The following PLCB3 variants were observed in gnomAD, a reference collection of about 807,000 sequenced individuals.
PLCB3 encodes phospholipase C beta 3, also known as 1-phosphatidylinositol 4,5-bisphosphate phosphodiesterase beta-3.
PLCB3 carries 54 observed loss-of-function variants against 152.1 expected under a neutral mutation model. That is an observed-to-expected ratio of 0.36 (90% CI 0.29 to 0.45). The LOEUF is 0.45. Ranked by LOEUF, PLCB3 falls within the 20% of genes least tolerant of loss-of-function variation. PLCB3 has a pLI of 1.00. For synonymous variants in PLCB3, 717 were observed against 698.7 expected (o/e 1.03, Z -0.41); for missense variants, 1,248 against 1,687.5 (o/e 0.74, Z 4.56).
At chr11:64,261,522 G>A (rs1420764354) in intron 15 of PLCB3, 26 bp downstream of exon 15, 3 of 1,608,856 alleles carry the variant, frequency 1.9e-6, no homozygotes, top group Non-Finnish European at 2.6e-6. Flanking sequence ...TGGCAGGCAT[G>A]GGAGCTTGCC....
rs751275105 is a variant in PLCB3 at position 64,259,018 on chromosome 11, G to A, written c.1339-40G>A. The A allele has an allele frequency of 2.1e-5, 34 of 1,612,554 alleles. No individual in the cohort carries two copies. The Middle Eastern group carries it at 4.9e-4, about 23-fold the overall frequency. On this transcript the variant is annotated intron_variant, in intron 12 of 30. Coordinates refer to ENST00000279230, the MANE Select transcript of PLCB3 (RefSeq NM_000932.5). ...GGTGGCATGGGGGCCAGGGTGCTGC[G>A]GACCCGGTCCAGGGCCCTGACTCGT... is the stretch of plus-strand genomic sequence containing the variant.
rs1194858063 is a variant in PLCB3, at chr11:64,267,758, G to A, written c.*202G>A. 7.2e-6 allele frequency: 4 copies of A among 555,826 alleles called. No individual in the cohort carries two copies. Among genetic ancestry groups the A allele is most frequent in the Admixed American group, 7.0e-5 (2 of 28,556 alleles). 34.4% of individuals were successfully genotyped at this position (555,826 alleles called of 1,614,324 possible). A position where few individuals can be genotyped will look rare whatever the true frequency, so the allele number is the denominator to read the frequency against. On this transcript the variant is annotated 3_prime_UTR_variant, in exon 31 of 31. Transcript: ENST00000279230. This position sits in a 1 kb window ranked among gnomAD's most constrained non-coding sequence, Gnocchi z 5.2. Reference sequence around the variant, plus strand: ...GCCCTCAGTCTTAGGTTAGGGCCTTGGTCAGGGCTTTGCTCCCTGTGACAC... The same window carrying A: ...GCCCTCAGTCTTAGGTTAGGGCCTTAGTCAGGGCTTTGCTCCCTGTGACAC...
Position 64,267,267 on chromosome 11 carries a change from C to T in PLCB3, c.3497C>T (p.Pro1166Leu). The change falls in exon 30 of 31, where the codon CCC (proline) becomes CTC (leucine). Residue 1166 changes from proline to leucine, a missense_variant. Around this residue, in one of 6 missense-constraint regions of PLCB3, gnomAD observed 477 missense variants for 489.6 expected, o/e 0.97. Transcript: ENST00000279230. The surrounding 1 kb of genome is among the most constrained non-coding windows in gnomAD (Gnocchi z 5.2). ...CTGCAACAGCTGGCAGAAGAGGAGC[C>T]CAAGGTGAGGCCATGGGCGAACAGG... ...QVLQQLAEEE[P>L]KLLAQLAQEC... is the part of the protein sequence containing the mutation. 1 of 1,550,970 alleles carries T rather than the reference C, an allele frequency of 6.4e-7. No homozygotes were observed. The highest frequency in any genetic ancestry group is 8.7e-7 in the Non-Finnish European group (1 of 1,146,960).
chr11:64,258,394 G>C lies in PLCB3; in HGVS notation c.1013-79G>C. On this transcript the variant is annotated intron_variant, in intron 10 of 30. Coordinates refer to ENST00000279230, the MANE Select transcript of PLCB3 (RefSeq NM_000932.5). This position sits in a 1 kb window ranked among gnomAD's most constrained non-coding sequence, Gnocchi z 7.2. Reference sequence around the variant, plus strand: ...GGAGAGCCCTCTGCAAATCCAGCATGTCCTGGTTCCAGGTGGGGCCGGGGT... The same window carrying C: ...GGAGAGCCCTCTGCAAATCCAGCATCTCCTGGTTCCAGGTGGGGCCGGGGT... 1.3e-6 allele frequency: 2 copies of C among 1,518,958 alleles called. No individual in the cohort carries two copies. The highest frequency in any genetic ancestry group is 1.8e-6 in the Non-Finnish European group (2 of 1,125,536). The allele number at this position is 1,518,958 out of a possible 1,614,324, so 94.1% of individuals were successfully genotyped here. A position where few individuals can be genotyped will look rare whatever the true frequency, so the allele number is the denominator to read the frequency against.
At position 64,262,784 on chromosome 11, in the gene PLCB3, C is replaced by G. The variant is rs371358482; in HGVS notation, c.2331C>G (p.Asp777Glu). The G allele has an allele frequency of 6.8e-6, 11 of 1,613,538 alleles. No homozygotes were observed. Among genetic ancestry groups the G allele is most frequent in the Admixed American group, 6.7e-5 (4 of 60,010 alleles). The change falls in exon 19 of 31, where the codon GAC (aspartate) becomes GAG (glutamate). Residue 777 changes from aspartate (D) to glutamate (E), a missense_variant. Physicochemically the swap from Asp to Glu is conservative, Grantham distance 45. This residue lies in a region of PLCB3 where 244 missense variants were observed against 424.4 expected (regional missense o/e 0.57). Transcript: ENST00000279230. ...SQGNSFNPVW[D>E]EEPFDFPKVV... ...GGAACTCGTTCAACCCCGTGTGGGA[C>G]GAAGAGCCCTTCGACTTCCCCAAGG...
Position 64,265,457 on chromosome 11 carries a change from C to A in PLCB3, c.2990C>A (p.Ala997Asp), listed in dbSNP as rs866153827. 6.2e-7 allele frequency: 1 copy of A among 1,609,192 alleles called. No homozygotes were observed. The highest frequency in any genetic ancestry group is 8.5e-7 in the Non-Finnish European group (1 of 1,179,752). The change falls in exon 25 of 31, where the codon GCT becomes GAT. Residue 997 changes from alanine (A) to aspartate (D), a missense_variant. By Grantham distance (126) the Ala-to-Asp change is moderately radical (BLOSUM62 -2). Coordinates refer to ENST00000279230, the MANE Select transcript of PLCB3 (RefSeq NM_000932.5). Reference protein sequence around the residue: ...TLTRRLLDGLAQAQAEGRCRL... With the variant: ...TLTRRLLDGLDQAQAEGRCRL... ...ACCCGCCGCCTGCTGGATGGCCTGG[C>A]TCAGGCACAGGCTGAGGGCAGGTGC...
Position 64,259,098 on chromosome 11 carries a change from T to G in PLCB3, c.1379T>G (p.Met460Arg), listed in dbSNP as rs2031698983. The G allele has an allele frequency of 1.9e-6, 3 of 1,612,440 alleles. No individual in the cohort carries two copies. Among genetic ancestry groups the G allele is most frequent in the Non-Finnish European group, 2.5e-6 (3 of 1,179,522 alleles). Residue 460 changes from methionine (M) to arginine (R), a missense_variant, in exon 13 of 31, where the codon ATG (methionine) becomes AGG (arginine). Physicochemically the swap from Met to Arg is moderately conservative, Grantham distance 91. Transcript: ENST00000279230. ...CCCCTGCCCAGCCCCCAGGACCTGA[T>G]GGGCCGTATCCTGGTGAAGAACAAG... ...GVPLPSPQDL[M>R]GRILVKNKKR...
chr11:64,256,310 A>G, intron 8 of PLCB3, 66 bp from the exon 9 acceptor site: 1 of 1,492,828 alleles, frequency 6.7e-7, no homozygotes, highest in East Asian at 2.3e-5. Context: ...GCCCAGGGCA[A>G]GGGCTTGGCG....
Position 64,256,632 on chromosome 11 carries a change from G to C in PLCB3, c.880G>C (p.Glu294Gln), listed in dbSNP as rs2031547557. Residue 294 changes from glutamate (E) to glutamine (Q), a missense_variant, in exon 10 of 31, where the codon GAG (glutamate) becomes CAG (glutamine). Physicochemically the swap from Glu to Gln is conservative, Grantham distance 29. Transcript: ENST00000279230. Reference protein sequence around the residue: ...QFLERDQMSMEGFSRYLGGEE... With the variant: ...QFLERDQMSMQGFSRYLGGEE... ...TCCCACCCCAGACCAGATGTCCATG[G>C]AGGGCTTTAGCCGCTACCTGGGAGG... The C allele has an allele frequency of 6.2e-7, 1 of 1,614,046 alleles. No homozygotes were observed. The highest frequency in any genetic ancestry group is 8.5e-7 in the Non-Finnish European group (1 of 1,180,030).
Position 64,258,752 on chromosome 11 carries a change from G to T in PLCB3, c.1253+39G>T. On this transcript the variant is annotated intron_variant, in intron 11 of 30. Transcript: ENST00000279230. The surrounding 1 kb of genome is among the most constrained non-coding windows in gnomAD (Gnocchi z 7.2). Reference sequence around the variant, plus strand: ...TGGCATGAAACCCCATGGACCGGGGGACAGTCTTCCAGCTTCAGTGCTGTT... The same window carrying T: ...TGGCATGAAACCCCATGGACCGGGGTACAGTCTTCCAGCTTCAGTGCTGTT... The T allele has an allele frequency of 6.2e-7, 1 of 1,610,472 alleles. No individual in the cohort carries two copies. Among genetic ancestry groups the T allele is most frequent in the South Asian group, 1.1e-5 (1 of 90,924 alleles).
intron 21 of PLCB3, 29 bp downstream of exon 21, chr11:64,263,824 G>C (rs2031978246): frequency 6.3e-7 from 1 of 1,580,220 alleles, no homozygotes; most frequent in Non-Finnish European, 8.7e-7. Context: ...GGGCCTGCCT[G>C]GCCAGGGAGT....
At position 64,267,509 on chromosome 11, in the gene PLCB3, C is replaced by A. The variant is rs1308593978; in HGVS notation, c.3658C>A (p.Leu1220Met). ...TCACGCACCCGGGAGCAGCGGGCAC[C>A]TGTCGGGCGCTGACTCGGAGAGCCA... ...NGHAPGSSGH[L>M]SGADSESQEE... Residue 1220 changes from leucine to methionine, a missense_variant, in exon 31 of 31, where the codon CTG (leucine) becomes ATG (methionine). This residue lies in a region of PLCB3 where 477 missense variants were observed against 489.6 expected (regional missense o/e 0.97). Transcript: ENST00000279230. This position sits in a 1 kb window ranked among gnomAD's most constrained non-coding sequence, Gnocchi z 5.2. 6.4e-7 allele frequency: 1 copy of A among 1,568,982 alleles called. No individual in the cohort carries two copies. Among genetic ancestry groups the A allele is most frequent in the Admixed American group, 1.8e-5 (1 of 54,820 alleles).
rs893755815 is a variant in PLCB3, at chr11:64,255,168, T to C, written c.388-66T>C. On this transcript the variant is annotated intron_variant, in intron 4 of 30. Transcript: ENST00000279230. The surrounding 1 kb of genome is among the most constrained non-coding windows in gnomAD (Gnocchi z 6.8). ...TGTGTACCAGAGGCAGTTGTGGACCTGGGTTGTGGCTGGGCAGCCCCTGTG... is the reference window on the plus strand; with the variant it reads ...TGTGTACCAGAGGCAGTTGTGGACCCGGGTTGTGGCTGGGCAGCCCCTGTG... 4.6e-6 allele frequency: 7 copies of C among 1,532,196 alleles called. No individual in the cohort carries two copies. The African/African-American group carries it at 8.2e-5, about 18-fold the overall frequency. 94.9% of individuals were successfully genotyped at this position (1,532,196 alleles called of 1,614,324 possible).
At position 64,267,256 on chromosome 11, in the gene PLCB3, A is replaced by G. The variant is rs943736261; in HGVS notation, c.3486A>G (p.Ala1162=). ...AGCAGCAGGTCCTGCAACAGCTGGC[A>G]GAAGAGGAGCCCAAGGTGAGGCCAT... ...AGQQQVLQQL[A]EEEPKLLAQL... is the part of the protein sequence containing the mutation. Residue 1162 remains alanine (A), a synonymous_variant, in exon 30 of 31, where the codon GCA becomes GCG. Transcript: ENST00000279230. The surrounding 1 kb of genome is among the most constrained non-coding windows in gnomAD (Gnocchi z 5.2). 4 of 1,550,908 alleles carry G rather than the reference A, an allele frequency of 2.6e-6. No individual in the cohort carries two copies. The highest frequency in any genetic ancestry group is 2.0e-5 in the Admixed American group (1 of 51,012).
intron 21 of PLCB3, 30 bp from the exon 22 acceptor site, chr11:64,263,991 C>T (rs2031986003): frequency 6.5e-7 from 1 of 1,541,870 alleles, no homozygotes. Flanking sequence ...GGCTCTGTCT[C>T]TGAGACCTTG....
At position 64,265,291 on chromosome 11, in the gene PLCB3, T is replaced by A. The variant is rs1330776669; in HGVS notation, c.2843-19T>A. 2 of 683,128 alleles carry A rather than the reference T, an allele frequency of 2.9e-6. No individual in the cohort carries two copies. Among genetic ancestry groups the A allele is most frequent in the East Asian group, 1.2e-4 (2 of 17,134 alleles). 42.3% of individuals were successfully genotyped at this position (683,128 alleles called of 1,614,324 possible). On this transcript the variant is annotated intron_variant, in intron 24 of 30. Transcript: ENST00000279230. ...CAGGTTCCCCCACCCCCCGCCCACC[T>A]TTGCTCTGCCGCTCCCAGAGGTGGC... is the stretch of plus-strand genomic sequence containing the variant.
rs370417429 is a variant in PLCB3 at position 64,259,133 on chromosome 11, C to T, written c.1414C>T (p.Arg472Ter). 1.9e-6 allele frequency: 3 copies of T among 1,611,500 alleles called. No homozygotes were observed. The highest frequency in any genetic ancestry group is 2.5e-6 in the Non-Finnish European group (3 of 1,179,176). Residue 472 changes from arginine to a stop codon, truncating the protein, a stop_gained, in exon 13 of 31, where the codon CGA becomes TGA. Transcript: ENST00000279230. LOFTEE classifies it high-confidence loss of function. ...CCTGGTGAAGAACAAGAAGCGGCACCGACCCAGCGCAGGTGGCCCAGACAG... is the reference window on the plus strand; with the variant it reads ...CCTGGTGAAGAACAAGAAGCGGCACTGACCCAGCGCAGGTGGCCCAGACAG... The part of the protein sequence containing the change: ...RILVKNKKRH[R>*]PSAGGPDSAG...
chr11:64,263,269 T>C, intron 19 of PLCB3: 1 of 566,600 alleles, frequency 1.8e-6, no homozygotes, highest in South Asian at 2.3e-5. Context: ...TGGAGGGGCC[T>C]GGCTGCCTGT....
At chr11:64,256,584 C>G in intron 9 of PLCB3, 34 bp from the exon 10 acceptor site, 1 of 1,612,860 alleles carries the variant, frequency 6.2e-7, no homozygotes, top group Non-Finnish European at 8.5e-7. Flanking sequence ...CAGGTGGGAC[C>G]CCAGCTGACC....
Sources: gnomAD v4.1 joint callset for allele counts on GRCh38, gnomAD v4.1.1 for gene constraint, gnomAD v4.1.1 regional missense constraint, Gnocchi (gnomAD v3.1) non-coding constraint, MANE v1.5 for transcripts, NCBI Gene and HGNC (gene_info 2026-07-23, HGNC 2026-07-21) for gene names.